The following MCM9 variants were observed in gnomAD, a reference collection of about 807,000 sequenced individuals.
MCM9 encodes the protein DNA helicase MCM9.
In MCM9, 55 loss-of-function variants were observed where a neutral mutation model predicts 72.8. That is an observed-to-expected ratio of 0.76 (90% CI 0.61 to 0.95). The LOEUF is 0.95. Among genes scored for constraint, MCM9 ranks in the 40% least tolerant of loss-of-function variants. MCM9 has a pLI of 0.00. For missense variants in MCM9, 1,279 were observed against 1,377.0 expected, an observed-to-expected ratio of 0.93 and a Z score of 1.13; for synonymous variants, 480 against 503.4, an observed-to-expected ratio of 0.95 and a Z score of 0.62.
chr6:118,903,330 AAG>A (rs1441378882), intron 8 of MCM9, among the ~76,000 whole-genome samples: 1 of 152,158 alleles, frequency 6.6e-6, no homozygotes, highest in Non-Finnish European at 1.5e-5. Context: ...TCTCCAGGAC[AAG>A]GCTGGCTGTC....
At chr6:118,880,994 G>C (rs1003014652) in intron 8 of MCM9, among the ~76,000 whole-genome samples, 2 of 152,040 alleles carry the variant, frequency 1.3e-5, no homozygotes, top group Non-Finnish European at 2.9e-5. Flanking sequence ...TTATAAATTA[G>C]GCACAGAGAT....
chr6:118,822,286 C>T (rs909965136), intron 13 of MCM9, among the ~76,000 whole-genome samples: 1 of 152,104 alleles, frequency 6.6e-6, no homozygotes, highest in African/African-American at 2.4e-5. Context: ...GAGCTGATGA[C>T]CTTAGGATGG....
At chr6:118,866,209 C>T (rs897073276) in intron 8 of MCM9, among the ~76,000 whole-genome samples, 2 of 152,198 alleles carry the variant, frequency 1.3e-5, no homozygotes, top group Non-Finnish European at 2.9e-5. Flanking sequence ...TTTGGCCAGA[C>T]AGATTAGTGA....
At chr6:118,845,083 A>G (rs1775766172) in intron 9 of MCM9, among the ~76,000 whole-genome samples, 1 of 151,692 alleles carries the variant, frequency 6.6e-6, no homozygotes. Flanking sequence ...AATATGGATG[A>G]CTGTATTTAA....
chr6:118,898,350 C>T (rs1779575274), intron 8 of MCM9, among the ~76,000 whole-genome samples: 1 of 151,768 alleles, frequency 6.6e-6, no homozygotes, highest in Non-Finnish European at 1.5e-5. Flanking sequence ...ATTTATACCA[C>T]TTAGGATCAA....
At chr6:118,878,148 C>T (rs147410031) in intron 8 of MCM9, among the ~76,000 whole-genome samples, 31 of 152,016 alleles carry the variant, frequency 2.0e-4, no homozygotes, top group East Asian at 9.7e-4. Context: ...GGTGACAGAG[C>T]GAGACCCTGC....
intron 6 of MCM9, 137 bp from the exon 7 acceptor site, chr6:118,913,557 A>G (rs1307013260): frequency 1.8e-6 from 2 of 1,083,978 alleles, no homozygotes; most frequent in Non-Finnish European, 2.6e-6. Flanking sequence ...CCAATTCCAA[A>G]TGACCAACAG....
At chr6:118,910,333 G>A (rs1226020861) in intron 8 of MCM9, among the ~76,000 whole-genome samples, 1 of 151,810 alleles carries the variant, frequency 6.6e-6, no homozygotes, top group Non-Finnish European at 1.5e-5. Flanking sequence ...TGGCCCTTTG[G>A]GTAGACCAGA....
At chr6:118,835,856 T>C (rs1245927874) in intron 9 of MCM9, among the ~76,000 whole-genome samples, 1 of 152,206 alleles carries the variant, frequency 6.6e-6, no homozygotes, top group South Asian at 2.1e-4. Context: ...TCTAGCCTGA[T>C]TGTCCTGGCC....
chr6:118,915,368 G>A (rs943469618), intron 6 of MCM9, among the ~76,000 whole-genome samples: 4 of 152,156 alleles, frequency 2.6e-5, no homozygotes, highest in African/African-American at 4.8e-5. Flanking sequence ...TCTCAATGAA[G>A]AGAACTTAGT....
chr6:118,826,397 C>T (rs1774170017), intron 12 of MCM9, 105 bp from the exon 13 acceptor site: 1 of 1,171,356 alleles, frequency 8.5e-7, no homozygotes. Flanking sequence ...GCCGTTTACA[C>T]CCCTATACTG....
chr6:118,830,439 CA>C (rs1409827850), intron 9 of MCM9, among the ~76,000 whole-genome samples: 3 of 152,050 alleles, frequency 2.0e-5, no homozygotes, highest in Non-Finnish European at 4.4e-5. Context: ...GCATTTTTAC[CA>C]AAAACTAAAT....
intron 9 of MCM9, among the ~76,000 whole-genome samples, chr6:118,841,178 T>C (rs1478268493): frequency 1.3e-5 from 2 of 152,204 alleles, no homozygotes; most frequent in African/African-American, 2.4e-5. Context: ...GTATTGACCA[T>C]ATAAATAATC....
intron 8 of MCM9, among the ~76,000 whole-genome samples, chr6:118,883,848 A>G (rs951040809): frequency 2.0e-5 from 3 of 152,238 alleles, no homozygotes; most frequent in African/African-American, 4.8e-5. Flanking sequence ...AGGTTCTTTA[A>G]GCCAAAAGCA....
At chr6:118,900,752 T>C in intron 8 of MCM9, 1 of 1,569,546 alleles carries the variant, frequency 6.4e-7, no homozygotes, top group Non-Finnish European at 8.8e-7. Context: ...AATGCTTTGG[T>C]TTTTTAACCC....
intron 9 of MCM9, among the ~76,000 whole-genome samples, chr6:118,843,704 GTATGTATATATATA>G (rs1775646953): frequency 3.3e-5 from 2 of 60,838 alleles, no homozygotes; most frequent in African/African-American, 6.6e-5. Flanking sequence ...ATATATATAT[GTATGTATATATATA>G]TGTATATATA....
intron 5 of MCM9, 26 bp downstream of exon 5, chr6:118,921,979 C>T (rs1403470111): frequency 6.3e-7 from 1 of 1,577,998 alleles, no homozygotes; most frequent in Admixed American, 1.7e-5. Context: ...CCTACACAAG[C>T]TAAAAAAAAA....
In MCM9 at chr6:118,815,400, A is replaced by T; in HGVS notation, c.2856T>A (p.Ser952Arg). 1 of 1,550,314 alleles carries T rather than the reference A, an allele frequency of 6.5e-7. No individual in the cohort carries two copies. The highest frequency in any genetic ancestry group is 1.4e-5 in the African/African-American group (1 of 73,120). ...SPGATKIAVH[S>R]PKISQRRTRR... ...TTGTTCTACGCTGGGAAATTTTAGG[A>T]CTATGAACTGCTATTTTAGTTGCAC... The change falls in exon 14 of 14, where the codon AGT becomes AGA. Residue 952 changes from serine to arginine, a missense_variant. Transcript: ENST00000619706.
chr6:118,867,184 A>G (rs1460689655), intron 8 of MCM9, among the ~76,000 whole-genome samples: 5 of 152,178 alleles, frequency 3.3e-5, no homozygotes, highest in Admixed American at 3.3e-4. Context: ...CGCTAAAGGG[A>G]GTTTTTCATG....
Sources: allele counts gnomAD v4.1 joint callset (sites outside exome capture counted in the v4.1 genomes callset), GRCh38; gene constraint gnomAD v4.1.1; transcripts MANE v1.5; gene names NCBI Gene and HGNC (gene_info 2026-07-23, HGNC 2026-07-21).